The following NAPSA variants were observed in gnomAD, a reference collection of about 807,000 sequenced individuals.
NAPSA encodes napsin-A.
A neutral mutation model predicts 36.7 loss-of-function variants in NAPSA; 37 were observed. The observed-to-expected ratio is 1.01, with a 90% CI of 0.78 to 1.33. NAPSA has a LOEUF of 1.33. NAPSA is among the 40% of genes most tolerant of loss of function. The pLI is 0.00. For missense variants in NAPSA, 532 were observed against 543.8 expected, an observed-to-expected ratio of 0.98 and a Z score of 0.21; for synonymous variants, 222 against 234.5, an observed-to-expected ratio of 0.95 and a Z score of 0.49.
intron 1 of NAPSA, among the ~76,000 whole-genome samples, chr19:50,363,362 G>A (rs2037501902): frequency 6.6e-6 from 1 of 152,154 alleles, no homozygotes; most frequent in Non-Finnish European, 1.5e-5. Context: ...GGGTCCCCAA[G>A]ATTGGATTTC....
chr19:50,362,426 T>C, intron 1 of NAPSA, 113 bp from the exon 2 acceptor site: 1 of 960,686 alleles, frequency 1.0e-6, no homozygotes, highest in Non-Finnish European at 1.5e-6. Context: ...ACTACAATAG[T>C]AGTCAGTACC....
At chr19:50,365,204 C>T (rs937926010) in intron 1 of NAPSA, among the ~76,000 whole-genome samples, 6 of 141,848 alleles carry the variant, frequency 4.2e-5, no homozygotes, top group Non-Finnish European at 6.2e-5. Flanking sequence ...CATGGTGGCG[C>T]GAGCCTGTAA....
rs746139395 is a variant in NAPSA, at chr19:50,358,556, C to A, written c.1260G>T (p.Gly420=). Residue 420 remains glycine, a synonymous_variant, in exon 9 of 9, where the codon GGG becomes GGT. Transcript: ENST00000253719. ...WGETAQAQFP[G] is the part of the protein sequence containing the mutation. ...GCGCATGCGCTTCACTTGGGCGTCACCCGGGGAACTGCGCCTGCGCAGTCT... is the reference window on the plus strand; with the variant it reads ...GCGCATGCGCTTCACTTGGGCGTCAACCGGGGAACTGCGCCTGCGCAGTCT... 2 of 1,591,454 alleles carry A rather than the reference C, an allele frequency of 1.3e-6. No individual in the cohort carries two copies. Among genetic ancestry groups the A allele is most frequent in the South Asian group, 1.1e-5 (1 of 89,228 alleles).
chr19:50,369,211 G>A (rs938901701), upstream of NAPSA: 1 of 152,204 alleles, frequency 6.6e-6, no homozygotes, highest in Non-Finnish European at 1.5e-5. Context: ...GGTTGGGGAG[G>A]GGCTGCTGCG....
Position 50,358,505 on chromosome 19 carries a change from T to C in NAPSA, c.*48A>G, listed in dbSNP as rs775478309. The C allele has an allele frequency of 1.4e-6, 2 of 1,451,532 alleles. No homozygotes were observed. The highest frequency in any genetic ancestry group is 2.3e-5 in the Admixed American group (1 of 43,846). 89.9% of individuals were successfully genotyped at this position (1,451,532 alleles called of 1,614,324 possible). On this transcript the variant is annotated 3_prime_UTR_variant, in exon 9 of 9. Transcript: ENST00000253719. Reference sequence around the variant, plus strand: ...ATGGAAATAGTGGATTTTTACTGGGTAGCAGGACCTCCGCGACCACCCGCT... The same window carrying C: ...ATGGAAATAGTGGATTTTTACTGGGCAGCAGGACCTCCGCGACCACCCGCT...
At chr19:50,368,157 CAAAA>C (rs56938224), upstream of NAPSA, among the ~76,000 whole-genome samples, 275 of 64,196 alleles carry the variant, frequency 4.3e-3, 4 homozygotes, top group Admixed American at 0.043. Flanking sequence ...GACTCCCTCT[CAAAA>C]AAAAAAAAAA....
Position 50,361,975 on chromosome 19 carries a change from G to T in NAPSA, c.343C>A (p.Pro115Thr). ...PSRRCHFFSVPCWLHHRFDPK... is the reference protein window; with the variant it reads ...PSRRCHFFSVTCWLHHRFDPK... Reference sequence around the variant, plus strand: ...CTCCCACATAGAAGCTCACAGCAGGGCACACTGAAGAAGTGGCATCTCCTG... The same window carrying T: ...CTCCCACATAGAAGCTCACAGCAGGTCACACTGAAGAAGTGGCATCTCCTG... Residue 115 changes from proline to threonine, a missense_variant, in exon 3 of 9, where the codon CCC (proline) becomes ACC (threonine). Physicochemically the swap from Pro to Thr is conservative, Grantham distance 38. This residue lies in a region of NAPSA where 45 missense variants were observed against 78.7 expected (regional missense o/e 0.57). Transcript: ENST00000253719. The T allele has an allele frequency of 1.9e-6, 3 of 1,595,044 alleles. No individual in the cohort carries two copies. Among genetic ancestry groups the T allele is most frequent in the Non-Finnish European group, 2.6e-6 (3 of 1,170,718 alleles).
intron 8 of NAPSA, 82 bp from the exon 9 acceptor site, chr19:50,358,862 C>A: frequency 7.1e-7 from 1 of 1,399,468 alleles, no homozygotes; most frequent in East Asian, 2.4e-5. Flanking sequence ...CCCCCCCACC[C>A]TCGGGTTCTT....
In NAPSA at chr19:50,362,152, T is replaced by C; in HGVS notation, c.225+20A>G. 1 of 1,612,420 alleles carries C rather than the reference T, an allele frequency of 6.2e-7. No individual in the cohort carries two copies. Among genetic ancestry groups the C allele is most frequent in the Admixed American group, 1.7e-5 (1 of 59,890 alleles). On this transcript the variant is annotated intron_variant, in intron 2 of 8. Transcript: ENST00000253719. ...GGCTCAAGGGCGCAGGGGTGAGGGC[T>C]GTGTGGGGCTGTGACTCACATCCCT... is the stretch of plus-strand genomic sequence containing the variant.
upstream of NAPSA, chr19:50,365,885 A>G (rs2037543813): frequency 3.0e-6 from 1 of 331,918 alleles, no homozygotes; most frequent in African/African-American, 2.1e-5. Flanking sequence ...CTCCACCGTC[A>G]CCACCTCCCA....
At chr19:50,362,376 C>T (rs2037490520) in intron 1 of NAPSA, 63 bp from the exon 2 acceptor site, 6 of 1,468,378 alleles carry the variant, frequency 4.1e-6, no homozygotes, top group South Asian at 3.9e-5. Context: ...AATAGACTTA[C>T]CCAAATAGGA....
rs773151692 is a variant in NAPSA at position 50,358,656 on chromosome 19, C to G, written c.1160G>C (p.Arg387Pro). 79 of 1,612,982 alleles carry G rather than the reference C, an allele frequency of 4.9e-5. No individual in the cohort carries two copies. The highest frequency in any genetic ancestry group is 6.4e-5 in the Non-Finnish European group (76 of 1,179,918). Residue 387 changes from arginine to proline, a missense_variant, in exon 9 of 9, where the codon CGC becomes CCC. Coordinates refer to ENST00000253719, the MANE Select transcript of NAPSA (RefSeq NM_004851.3). Reference sequence around the variant, plus strand: ...CCGGGCGCTGCTCTTCATGTCCCCGCGGTCGAAGACGGCCACATACGTCCC... The same window carrying G: ...CCGGGCGCTGCTCTTCATGTCCCCGGGGTCGAAGACGGCCACATACGTCCC... ...FLGTYVAVFD[R>P]GDMKSSARVG...
chr19:50,365,951 T>A, upstream of NAPSA: 1 of 222,996 alleles, frequency 4.5e-6, no homozygotes, highest in Non-Finnish European at 9.0e-6. Context: ...ATAACTTTTC[T>A]GAGACTTATT....
upstream of NAPSA, among the ~76,000 whole-genome samples, chr19:50,368,699 C>A (rs981250085): frequency 6.6e-6 from 1 of 152,120 alleles, no homozygotes; most frequent in African/African-American, 2.4e-5. Context: ...CACCCAAGCG[C>A]CCTTAAGTAG....
intron 1 of NAPSA, chr19:50,362,526 CCAAA>C (rs2123614518): frequency 2.3e-6 from 1 of 441,082 alleles, no homozygotes; most frequent in African/African-American, 2.0e-5. Flanking sequence ...GCAAACCATC[CCAAA>C]CAGACCTTTC....
Position 50,360,274 on chromosome 19 carries a change from TC to T in NAPSA, c.669-413del, listed in dbSNP as rs751693262. Among the ~76,000 whole-genome samples the T allele has an allele frequency of 3.6e-4, 55 of 152,232 alleles. No individual in the cohort carries two copies. The Middle Eastern group carries it at 0.01, about 28-fold the overall frequency. On this transcript the variant is annotated intron_variant, in intron 5 of 8. Coordinates refer to ENST00000253719, the MANE Select transcript of NAPSA (RefSeq NM_004851.3). Reference sequence around the variant, plus strand: ...GTGATATCTAGAGAGGTGTTAGACTTCCTGAGTTGGCTGAGAGCGATGGGAA... The same window carrying T: ...GTGATATCTAGAGAGGTGTTAGACTTCTGAGTTGGCTGAGAGCGATGGGAA...
At chr19:50,359,435 C>A in intron 7 of NAPSA, 68 bp downstream of exon 7, 2 of 1,600,214 alleles carry the variant, frequency 1.2e-6, no homozygotes, top group Admixed American at 3.4e-5. Flanking sequence ...CACCCTCAGG[C>A]CCTTTGATGT....
chr19:50,362,456 C>A, intron 1 of NAPSA, 143 bp from the exon 2 acceptor site: 1 of 672,092 alleles, frequency 1.5e-6, no homozygotes, highest in South Asian at 2.7e-5. Flanking sequence ...GCAATAACAA[C>A]CTCCAGAAAA....
intron 7 of NAPSA, 138 bp downstream of exon 7, chr19:50,359,365 A>G (rs2037440599): frequency 8.5e-7 from 1 of 1,180,268 alleles, no homozygotes; most frequent in Non-Finnish European, 1.2e-6. Context: ...CACCCTCCAG[A>G]CTATCTGTCA....
Sources: gnomAD v4.1 joint callset for allele counts (sites outside exome capture counted in the v4.1 genomes callset) on GRCh38, gnomAD v4.1.1 for gene constraint, gnomAD v4.1.1 regional missense constraint, MANE v1.5 for transcripts, NCBI Gene and HGNC (gene_info 2026-07-23, HGNC 2026-07-21) for gene names.